Variants in FRMD5 observed in about 807,000 individuals in gnomAD.
FRMD5 encodes FERM domain containing 5.
In FRMD5, 20 loss-of-function variants were observed where a neutral mutation model predicts 69.0. That is an observed-to-expected ratio of 0.29 (90% CI 0.20 to 0.42). The LOEUF is 0.42. Among genes scored for constraint, FRMD5 ranks in the 10% least tolerant of loss-of-function variants. FRMD5 has a pLI of 1.00. For missense variants in FRMD5, 595 were observed against 708.6 expected, an observed-to-expected ratio of 0.84 and a Z score of 1.82; for synonymous variants, 271 against 260.1, an observed-to-expected ratio of 1.04 and a Z score of -0.40.
intron 1 of FRMD5, among the ~76,000 whole-genome samples, chr15:44,091,283 C>T (rs2076468549): frequency 6.6e-6 from 1 of 152,068 alleles, no homozygotes; most frequent in Non-Finnish European, 1.5e-5. Flanking sequence ...GCTTATTTAG[C>T]ACTTGGCATA....
chr15:43,922,945 C>G (rs931147015), intron 2 of FRMD5, among the ~76,000 whole-genome samples: 1 of 152,216 alleles, frequency 6.6e-6, no homozygotes, highest in Admixed American at 6.5e-5. Flanking sequence ...GCTGGGATTA[C>G]AGGCATGAGC....
rs565913380 is a variant in FRMD5 at position 44,007,887 on chromosome 15, AC to A, written c.103-83579del. Among the ~76,000 whole-genome samples, 738 of 151,620 alleles carry A rather than the reference AC, an allele frequency of 4.9e-3. 12 individuals carry two copies. Among genetic ancestry groups the A allele is most frequent in the African/African-American group, 0.017 (707 of 41,380 alleles). ...TGGAATTCCCGACCTCAGGTGATCC[AC>A]CCGCCTTGGCCTCCCAAAGTACTGG... On this transcript the variant is annotated intron_variant, in intron 1 of 13. Coordinates refer to ENST00000417257, the MANE Select transcript of FRMD5 (RefSeq NM_032892.5).
At chr15:44,198,146 CAATAAT>C (rs564213987), upstream of FRMD5, among the ~76,000 whole-genome samples, 4 of 150,838 alleles carry the variant, frequency 2.7e-5, no homozygotes, top group Admixed American at 1.3e-4. Flanking sequence ...CCCATAGCTA[CAATAAT>C]AATAATAATA....
At chr15:44,158,187 C>T (rs2140491307) in intron 1 of FRMD5, among the ~76,000 whole-genome samples, 1 of 152,270 alleles carries the variant, frequency 6.6e-6, no homozygotes, top group Non-Finnish European at 1.5e-5. Flanking sequence ...CAGCATCTCA[C>T]ACCAGGATGA....
rs757326077 is a variant in FRMD5, at chr15:43,873,200, G to T, written c.*685C>A. The T allele has an allele frequency of 4.3e-5, 66 of 1,550,300 alleles. No homozygotes were observed. The highest frequency in any genetic ancestry group is 5.6e-5 in the Non-Finnish European group (64 of 1,146,968). On this transcript the variant is annotated 3_prime_UTR_variant, in exon 14 of 14. Coordinates refer to ENST00000417257, the MANE Select transcript of FRMD5 (RefSeq NM_032892.5). ...CCCCTGATGCTGCTGTTGCTGTAGCGGTGGTCCCTTCAGATGCCCACTCTG... is the reference window on the plus strand; with the variant it reads ...CCCCTGATGCTGCTGTTGCTGTAGCTGTGGTCCCTTCAGATGCCCACTCTG...
chr15:44,136,830 A>G (rs1469697708), intron 1 of FRMD5, among the ~76,000 whole-genome samples: 1 of 152,208 alleles, frequency 6.6e-6, no homozygotes, highest in Non-Finnish European at 1.5e-5. Flanking sequence ...CAATATAAGT[A>G]ACAGATAATT....
In FRMD5 at chr15:44,060,294, C is replaced by A. The variant is rs1595681130; in HGVS notation, c.102+134659G>T. ...ACAGCATGCAAAGAGTGCCTAAGGA[C>A]ATGCTCCTTAGTATCCACACTAGGT... On this transcript the variant is annotated intron_variant, in intron 1 of 13. Transcript: ENST00000417257. Among the ~76,000 whole-genome samples the A allele has an allele frequency of 2.6e-5, 4 of 152,330 alleles. No homozygotes were observed. In the South Asian group the frequency reaches 8.3e-4, roughly 32 times the overall value.
intron 1 of FRMD5, among the ~76,000 whole-genome samples, chr15:44,103,788 T>C (rs969809394): frequency 2.0e-5 from 3 of 152,206 alleles, no homozygotes; most frequent in Non-Finnish European, 4.4e-5. Flanking sequence ...ATACAACATT[T>C]TGGTCAACAA....
At chr15:43,951,543 C>T (rs2090029148) in intron 1 of FRMD5, among the ~76,000 whole-genome samples, 1 of 151,958 alleles carries the variant, frequency 6.6e-6, no homozygotes, top group Admixed American at 6.6e-5. Context: ...ATTCATAGTG[C>T]TCTTAGACTT....
In FRMD5 at chr15:44,157,262, T is replaced by C. The variant is rs76395099; in HGVS notation, c.102+37691A>G. Among the ~76,000 whole-genome samples, 313 of 152,328 alleles carry C rather than the reference T, an allele frequency of 2.1e-3. 8 individuals carry two copies. The East Asian group carries it at 0.052, about 25-fold the overall frequency. On this transcript the variant is annotated intron_variant, in intron 1 of 13. Transcript: ENST00000417257. ...CATACTTTATGTCAATGAACACTTA[T>C]CTTCAAAAATTTTATCCAATGTCCA...
At position 44,194,994 on chromosome 15, in the gene FRMD5, C is replaced by A. The variant is rs867402123; in HGVS notation, c.61G>T (p.Val21Leu). The change falls in exon 1 of 14, where the codon GTG becomes TTG. Residue 21 changes from valine (V) to leucine (L), a missense_variant. Coordinates refer to ENST00000417257, the MANE Select transcript of FRMD5 (RefSeq NM_032892.5). ...RSLEREYSCT[V>L]RLLDDSEYTC... ...TACTCGCTGTCGTCCAGCAGCCGCA[C>A]GGTGCAGCTGTACTCGCGCTCCAGG... The A allele has an allele frequency of 3.2e-6, 5 of 1,558,366 alleles. No homozygotes were observed. The highest frequency in any genetic ancestry group is 1.8e-5 in the Admixed American group (1 of 55,638).
chr15:43,918,369 A>G (rs950387130), intron 4 of FRMD5, among the ~76,000 whole-genome samples: 1 of 152,216 alleles, frequency 6.6e-6, no homozygotes, highest in Non-Finnish European at 1.5e-5. Flanking sequence ...GGTTGCAGTG[A>G]GCTGAGATCG....
Position 43,872,307 on chromosome 15 carries a change from C to G in FRMD5, c.*1578G>C, listed in dbSNP as rs1180407091. 1.3e-5 allele frequency: 2 copies of G among 151,946 alleles called. No individual in the cohort carries two copies. The highest frequency in any genetic ancestry group is 2.9e-5 in the Non-Finnish European group (2 of 68,002). The allele number at this position is 151,946 out of a possible 1,614,324, so 9.4% of individuals were successfully genotyped here. A position where few individuals can be genotyped will look rare whatever the true frequency, so the allele number is the denominator to read the frequency against. ...TCTCGGGGGACAAAATAGGGGAGGT[C>G]AAGTCTACAAGTGACTTGTTCTGTT... On this transcript the variant is annotated 3_prime_UTR_variant, in exon 14 of 14. Transcript: ENST00000417257.
At chr15:43,897,333 C>T (rs1188476144) in intron 7 of FRMD5, among the ~76,000 whole-genome samples, 2 of 151,474 alleles carry the variant, frequency 1.3e-5, no homozygotes, top group African/African-American at 4.9e-5. Context: ...ACTAAAAATA[C>T]AAAATTAGCT....
chr15:43,885,648 G>A, intron 11 of FRMD5, 33 bp downstream of exon 11: 1 of 1,551,568 alleles, frequency 6.4e-7, no homozygotes, highest in Non-Finnish European at 8.9e-7. Context: ...TCTGAAAATA[G>A]ATCCATAATG....
chr15:44,101,289 C>G (rs377021827), intron 1 of FRMD5, among the ~76,000 whole-genome samples: 13 of 152,202 alleles, frequency 8.5e-5, no homozygotes, highest in African/African-American at 2.9e-4. Context: ...GGCTTTCCCC[C>G]AGAAAGAATA....
chr15:44,002,580 A>C (rs1890259418), intron 1 of FRMD5, among the ~76,000 whole-genome samples: 1 of 152,000 alleles, frequency 6.6e-6, no homozygotes, highest in African/African-American at 2.4e-5. Flanking sequence ...TCCGCGTGAG[A>C]GGCTCATGAT....
intron 1 of FRMD5, among the ~76,000 whole-genome samples, chr15:44,121,006 T>C (rs994624003): frequency 6.6e-6 from 1 of 151,772 alleles, no homozygotes; most frequent in Admixed American, 6.6e-5. Flanking sequence ...GTAGTGGAAA[T>C]TGAGGCCACA....
At chr15:44,111,363 C>T (rs2140586464) in intron 1 of FRMD5, among the ~76,000 whole-genome samples, 1 of 152,322 alleles carries the variant, frequency 6.6e-6, no homozygotes, top group East Asian at 1.9e-4. Context: ...TAAAAAACTT[C>T]CTGCCAGCAC....
Sources: allele counts gnomAD v4.1 joint callset (sites outside exome capture counted in the v4.1 genomes callset), GRCh38; gene constraint gnomAD v4.1.1; transcripts MANE v1.5; gene names NCBI Gene and HGNC (gene_info 2026-07-23, HGNC 2026-07-21).